The following KCNQ5 variants were observed in gnomAD, a reference collection of about 807,000 sequenced individuals.
KCNQ5 encodes potassium voltage-gated channel subfamily Q member 5.
Under a neutral mutation model 98.2 loss-of-function variants are expected in KCNQ5, and 30 were observed. The ratio of observed to expected loss-of-function variants is 0.31; its 90% CI spans 0.23 to 0.41. The LOEUF is 0.41. Ranked by LOEUF, KCNQ5 falls within the 10% of genes least tolerant of loss-of-function variation. KCNQ5 has a pLI of 1.00. For synonymous variants in KCNQ5, 458 were observed against 449.4 expected (o/e 1.02, Z -0.24); for missense variants, 835 against 1,182.5 (o/e 0.71, Z 4.31).
rs185674853 is a variant in KCNQ5, at chr6:72,958,544, T to C, written c.399-45364T>C. 2.6e-4 allele frequency among the ~76,000 whole-genome samples: 40 copies of C among 152,328 alleles called. 2 individuals carry two copies. In the East Asian group the frequency reaches 7.5e-3, roughly 29 times the overall value. ...ACTTTAAGTGTCTATCTGTAAGCTA[T>C]TAAAGTCAAACATTTCTGCTATATT... On this transcript the variant is annotated intron_variant, in intron 1 of 13. Coordinates refer to ENST00000370398, the MANE Select transcript of KCNQ5 (RefSeq NM_019842.4).
At position 72,721,300 on chromosome 6, in the gene KCNQ5, A is replaced by G. The variant is rs538253123; in HGVS notation, c.398+98713A>G. The stretch of plus-strand genomic sequence containing the variant: ...AAACAGGTAACTTTTTTTTTCCTTT[A>G]TGCTTAAAAGAGTGAATTTTGTTGC... On this transcript the variant is annotated intron_variant, in intron 1 of 13. Coordinates refer to ENST00000370398, the MANE Select transcript of KCNQ5 (RefSeq NM_019842.4). 4.6e-5 allele frequency among the ~76,000 whole-genome samples: 7 copies of G among 151,882 alleles called. No homozygotes were observed. In the South Asian group the frequency reaches 6.2e-4, roughly 14 times the overall value.
chr6:73,155,882 T>C lies in KCNQ5; in HGVS notation c.1469-13864T>C, dbSNP rs1259871246. 2.6e-5 allele frequency among the ~76,000 whole-genome samples: 4 copies of C among 152,196 alleles called. No individual in the cohort carries two copies. The East Asian group carries it at 7.7e-4, about 29-fold the overall frequency. On this transcript the variant is annotated intron_variant, in intron 10 of 13. Coordinates refer to ENST00000370398, the MANE Select transcript of KCNQ5 (RefSeq NM_019842.4). ...AAAAACATCTAGAGTAAAAAATACA[T>C]TATCCAGAGTATTTTTCTGGGTTCC...
At chr6:72,923,489 TG>T (rs1429007829) in intron 1 of KCNQ5, among the ~76,000 whole-genome samples, 6 of 152,350 alleles carry the variant, frequency 3.9e-5, no homozygotes, top group African/African-American at 1.4e-4. Flanking sequence ...TGATTAGTGA[TG>T]CTAAGCCTTT....
chr6:72,741,131 A>G (rs1405887151), intron 1 of KCNQ5, among the ~76,000 whole-genome samples: 2 of 152,222 alleles, frequency 1.3e-5, no homozygotes, highest in African/African-American at 4.8e-5. Flanking sequence ...AGGAGTTGGG[A>G]TGTTTAGAAA....
chr6:73,161,687 G>A (rs1303385078), intron 10 of KCNQ5, among the ~76,000 whole-genome samples: 1 of 152,118 alleles, frequency 6.6e-6, no homozygotes, highest in Non-Finnish European at 1.5e-5. Flanking sequence ...AAAAGAACTA[G>A]AAACTACCTG....
intron 7 of KCNQ5, among the ~76,000 whole-genome samples, chr6:73,118,698 G>A (rs543260252): frequency 2.0e-5 from 3 of 152,306 alleles, no homozygotes; most frequent in South Asian, 4.1e-4. Context: ...CATGACTGAT[G>A]TGTTATGTAC....
chr6:73,038,561 G>A (rs539150205), intron 2 of KCNQ5, among the ~76,000 whole-genome samples: 1 of 151,612 alleles, frequency 6.6e-6, no homozygotes, highest in Non-Finnish European at 1.5e-5. Context: ...CTTGCCAAGA[G>A]TTTTTTTTAA....
At chr6:72,799,703 G>A (rs1774533775) in intron 1 of KCNQ5, among the ~76,000 whole-genome samples, 1 of 152,176 alleles carries the variant, frequency 6.6e-6, no homozygotes, top group Non-Finnish European at 1.5e-5. Flanking sequence ...ACTGGTTCTT[G>A]GCATCATAGT....
intron 1 of KCNQ5, among the ~76,000 whole-genome samples, chr6:72,950,491 G>A (rs1766747481): frequency 6.6e-6 from 1 of 152,174 alleles, no homozygotes; most frequent in South Asian, 2.1e-4. Context: ...AATTCTAACC[G>A]TATGGTTTCC....
intron 1 of KCNQ5, among the ~76,000 whole-genome samples, chr6:72,676,368 T>C (rs538735875): frequency 5.3e-5 from 8 of 152,306 alleles, no homozygotes; most frequent in African/African-American, 1.9e-4. Flanking sequence ...ATTTCCATCA[T>C]AAAGTATTTT....
intron 1 of KCNQ5, among the ~76,000 whole-genome samples, chr6:72,864,451 G>A (rs1192492011): frequency 6.6e-6 from 1 of 151,992 alleles, no homozygotes; most frequent in Non-Finnish European, 1.5e-5. Flanking sequence ...AGAAAATCTG[G>A]GTCAGTACAT....
chr6:73,170,831 G>T (rs567935665), intron 11 of KCNQ5, among the ~76,000 whole-genome samples: 1 of 152,214 alleles, frequency 6.6e-6, no homozygotes, highest in South Asian at 2.1e-4. Context: ...ATACTTGGGA[G>T]GCTGAGGCAG....
rs143011399 is a variant in KCNQ5, at chr6:72,967,317, C to T, written c.399-36591C>T. Among the ~76,000 whole-genome samples the T allele has an allele frequency of 1.2e-3, 177 of 152,144 alleles. 1 individual carries two copies. Among genetic ancestry groups the T allele is most frequent in the African/African-American group, 4.2e-3 (173 of 41,510 alleles). ...TCTGTACACCCTTCCTATGCAATAA[C>T]TTTTGATCAGTATAGTGAAATATAA... On this transcript the variant is annotated intron_variant, in intron 1 of 13. Coordinates refer to ENST00000370398, the MANE Select transcript of KCNQ5 (RefSeq NM_019842.4).
chr6:72,858,412 T>G (rs1777616981), intron 1 of KCNQ5, among the ~76,000 whole-genome samples: 1 of 152,030 alleles, frequency 6.6e-6, no homozygotes, highest in Non-Finnish European at 1.5e-5. Context: ...GAGACTGTTT[T>G]GCTGACACAT....
At chr6:72,963,960 T>C (rs1767491476) in intron 1 of KCNQ5, among the ~76,000 whole-genome samples, 1 of 152,184 alleles carries the variant, frequency 6.6e-6, no homozygotes, top group Non-Finnish European at 1.5e-5. Context: ...AGTCCACAGA[T>C]TTTATTTTTA....
chr6:72,725,000 T>C (rs568750151), intron 1 of KCNQ5, among the ~76,000 whole-genome samples: 24 of 152,326 alleles, frequency 1.6e-4, no homozygotes, highest in African/African-American at 5.8e-4. Context: ...ATGTCTTGGT[T>C]CACCCAAGAT....
chr6:72,638,609 C>G (rs6900100), intron 1 of KCNQ5, among the ~76,000 whole-genome samples: 61,258 of 151,578 alleles, frequency 0.4, 13,195 homozygotes, highest in Middle Eastern at 0.51. Flanking sequence ...TACTTTTTTT[C>G]TCCAAAACAG....
chr6:72,811,941 T>A (rs940032786), intron 1 of KCNQ5, among the ~76,000 whole-genome samples: 4 of 151,844 alleles, frequency 2.6e-5, no homozygotes, highest in Non-Finnish European at 4.4e-5. Context: ...AGGGGTGGAG[T>A]AGTCATGAGA....
chr6:72,684,659 C>G (rs1192665890), intron 1 of KCNQ5, among the ~76,000 whole-genome samples: 2 of 152,138 alleles, frequency 1.3e-5, no homozygotes, highest in Non-Finnish European at 2.9e-5. Flanking sequence ...TGGAATGGGC[C>G]TTTGCATATG....
Sources: allele counts gnomAD v4.1 joint callset (sites outside exome capture counted in the v4.1 genomes callset), GRCh38; gene constraint gnomAD v4.1.1; transcripts MANE v1.5; gene names NCBI Gene and HGNC (gene_info 2026-07-23, HGNC 2026-07-21).